The following RAB38 variants were observed in gnomAD, a reference collection of about 807,000 sequenced individuals.
RAB38 encodes the protein RAB38, member RAS oncogene family.
Under a neutral mutation model 18.4 loss-of-function variants are expected in RAB38, and 15 were observed. The observed-to-expected ratio is 0.82, with a 90% CI of 0.55 to 1.26. The LOEUF (loss-of-function observed/expected upper bound fraction) is 1.26. Ranked by LOEUF, RAB38 falls within the 50% of genes most tolerant of loss-of-function variation. The probability of loss-of-function intolerance (pLI) is 0.00; values close to 1 mark genes in which losing one functional copy is unlikely to be tolerated. For missense variants in RAB38, 294 were observed against 267.4 expected (o/e 1.10, Z -0.69); for synonymous variants, 101 against 104.4 (o/e 0.97, Z 0.20).
chr11:88,058,741 CCT>C, the RAB38 span, among the ~76,000 whole-genome samples: 1 of 152,146 alleles, frequency 6.6e-6, no homozygotes, highest in African/African-American at 2.4e-5. Context: ...TAAACCTTAT[CCT>C]CTGTTAGGCC....
At chr11:87,909,136 A>G in the RAB38 span, among the ~76,000 whole-genome samples, 1 of 151,986 alleles carries the variant, frequency 6.6e-6, no homozygotes, top group Non-Finnish European at 1.5e-5. Context: ...AATTCCTGAA[A>G]TGAATCATTT....
the RAB38 span, among the ~76,000 whole-genome samples, chr11:87,930,996 C>T: frequency 3.9e-5 from 6 of 152,034 alleles, no homozygotes; most frequent in Non-Finnish European, 5.9e-5. Context: ...AGTCAGGTAG[C>T]GTGATGCCTC....
the RAB38 span, among the ~76,000 whole-genome samples, chr11:87,946,931 G>T: frequency 2.2e-5 from 3 of 136,072 alleles, no homozygotes; most frequent in African/African-American, 8.6e-5. Context: ...GGGTCAAATG[G>T]TATTTCTAGT....
At chr11:88,054,351 T>A in the RAB38 span, among the ~76,000 whole-genome samples, 3 of 152,208 alleles carry the variant, frequency 2.0e-5, no homozygotes, top group African/African-American at 7.2e-5. Flanking sequence ...TCAAGTTTTA[T>A]GTATAAGATG....
rs917098250 is a variant in RAB38, at chr11:88,150,064, G to A, written c.203-109C>T. On this transcript the variant is annotated intron_variant, in intron 1 of 2. Transcript: ENST00000243662. Reference sequence around the variant, plus strand: ...AGCAAGTCAATCAGTAAAGTGCTTCGTCTTTACTGATAATCTTTAAAGAGC... The same window carrying A: ...AGCAAGTCAATCAGTAAAGTGCTTCATCTTTACTGATAATCTTTAAAGAGC... 80 of 1,136,492 alleles carry A rather than the reference G, an allele frequency of 7.0e-5. No individual in the cohort carries two copies. The Admixed American group carries it at 1.2e-3, about 17-fold the overall frequency. 70.4% of individuals were successfully genotyped at this position (1,136,492 alleles called of 1,614,324 possible). A position where few individuals can be genotyped will look rare whatever the true frequency, so the allele number is the denominator to read the frequency against.
chr11:87,868,153 T>C, the RAB38 span, among the ~76,000 whole-genome samples: 1 of 151,756 alleles, frequency 6.6e-6, no homozygotes, highest in East Asian at 2.0e-4. Context: ...TGAAGCCTAA[T>C]GGGAGGTGTT....
At chr11:87,951,721 G>A in the RAB38 span, among the ~76,000 whole-genome samples, 1 of 152,054 alleles carries the variant, frequency 6.6e-6, no homozygotes, top group Non-Finnish European at 1.5e-5. Flanking sequence ...GGATATTGGT[G>A]AACCGCAAAT....
In RAB38 at chr11:88,175,184, T is replaced by C; in HGVS notation, c.201A>G (p.Ala67=). 6.2e-7 allele frequency: 1 copy of C among 1,603,114 alleles called. No individual in the cohort carries two copies. The highest frequency in any genetic ancestry group is 8.5e-7 in the Non-Finnish European group (1 of 1,174,054). The change falls in exon 1 of 3, where the codon GCA becomes GCG. Residue 67 remains alanine (A), a splice_region_variant and synonymous_variant. Coordinates refer to ENST00000243662, the MANE Select transcript of RAB38 (RefSeq NM_022337.3). ...CTGACCCCCTCCCCCCGCGCTCACCTGCGATATCCCAGAGCTGCAGGCGCA... is the reference window on the plus strand; with the variant it reads ...CTGACCCCCTCCCCCCGCGCTCACCCGCGATATCCCAGAGCTGCAGGCGCA... The part of the protein sequence containing the change: ...TVVRLQLWDI[A]GQERFGNMTR...
the RAB38 span, among the ~76,000 whole-genome samples, chr11:87,897,889 G>C: frequency 6.6e-6 from 1 of 151,560 alleles, no homozygotes; most frequent in Non-Finnish European, 1.5e-5. Context: ...ACAGGAGAAG[G>C]AGCAGATGGG....
chr11:87,832,442 C>T, the RAB38 span, among the ~76,000 whole-genome samples: 1 of 152,130 alleles, frequency 6.6e-6, no homozygotes, highest in South Asian at 2.1e-4. Context: ...GTATCTGTTA[C>T]CTGGGCTCTT....
the RAB38 span, among the ~76,000 whole-genome samples, chr11:87,939,404 A>G: frequency 9.5e-5 from 13 of 137,152 alleles, no homozygotes; most frequent in Non-Finnish European, 3.3e-5. Context: ...ACACACACAC[A>G]CACACACACT....
chr11:87,827,862 T>C, the RAB38 span, among the ~76,000 whole-genome samples: 1,115 of 152,292 alleles, frequency 7.3e-3, 5 homozygotes, highest in Non-Finnish European at 0.011. Flanking sequence ...TTGTCTGTTG[T>C]AGTTAGATTT....
intron 2 of RAB38, among the ~76,000 whole-genome samples, chr11:88,116,507 A>C (rs10830213): frequency 6.6e-6 from 1 of 152,006 alleles, no homozygotes; most frequent in Non-Finnish European, 1.5e-5. Flanking sequence ...AAGGGGTTAA[A>C]AGGCTTCCCC....
the RAB38 span, among the ~76,000 whole-genome samples, chr11:88,035,570 C>T: frequency 6.6e-6 from 1 of 152,120 alleles, no homozygotes; most frequent in South Asian, 2.1e-4. Context: ...AACTTGGAGT[C>T]CAATATTCAA....
At chr11:88,046,049 T>G in the RAB38 span, among the ~76,000 whole-genome samples, 1 of 152,032 alleles carries the variant, frequency 6.6e-6, no homozygotes, top group Non-Finnish European at 1.5e-5. Context: ...CTTTACATTT[T>G]CCCCTTGTAT....
At chr11:87,946,964 A>G in the RAB38 span, among the ~76,000 whole-genome samples, 9 of 151,776 alleles carry the variant, frequency 5.9e-5, no homozygotes, top group African/African-American at 2.2e-4. Context: ...AGGAATCGCC[A>G]CACTGACTTC....
intron 1 of RAB38, among the ~76,000 whole-genome samples, chr11:88,163,674 T>C (rs1943213791): frequency 6.6e-6 from 1 of 152,182 alleles, no homozygotes; most frequent in Non-Finnish European, 1.5e-5. Context: ...TGTTCATAAT[T>C]ACCTTATAGA....
chr11:88,045,733 G>T, the RAB38 span, among the ~76,000 whole-genome samples: 2 of 152,148 alleles, frequency 1.3e-5, no homozygotes, highest in Non-Finnish European at 2.9e-5. Context: ...CACAGTGGAG[G>T]TCAAGTCCGT....
chr11:88,030,689 A>T, the RAB38 span, among the ~76,000 whole-genome samples: 2 of 152,238 alleles, frequency 1.3e-5, no homozygotes, highest in African/African-American at 4.8e-5. Context: ...AAGAAGTTGA[A>T]TCTCTGAATA....
Sources: gnomAD v4.1 joint callset for allele counts (sites outside exome capture counted in the v4.1 genomes callset) on GRCh38, gnomAD v4.1.1 for gene constraint, MANE v1.5 for transcripts, NCBI Gene and HGNC (gene_info 2026-07-23, HGNC 2026-07-21) for gene names.